Variants in PTP4A1 observed in about 807,000 individuals in gnomAD.
PTP4A1 encodes the protein protein tyrosine phosphatase type IVA 1.
In PTP4A1, 9 loss-of-function variants were observed where a neutral mutation model predicts 20.5. The ratio of observed to expected loss-of-function variants is 0.44; its 90% confidence interval spans 0.26 to 0.77. The LOEUF (loss-of-function observed/expected upper bound fraction) is 0.77. Ranked by LOEUF, PTP4A1 falls within the 30% of genes least tolerant of loss-of-function variation. The pLI, the probability that PTP4A1 is intolerant of heterozygous loss-of-function variation, is 0.19. For synonymous variants in PTP4A1, 78 were observed against 67.4 expected, an observed-to-expected ratio of 1.16 and a Z score of -0.77; for missense variants, 137 against 218.8, an observed-to-expected ratio of 0.63 and a Z score of 2.36.
At chr6:63,527,979 ACCCACT>A (rs1487667831) in exon 2 of PTP4A1, 1 of 152,160 alleles carries the variant, frequency 6.6e-6, no homozygotes, top group Admixed American at 6.5e-5. Flanking sequence ...TATGAAAGAA[ACCCACT>A]GGATTTTTAA....
chr6:63,574,713 A>G (rs1777737977), intron 1 of PTP4A1, among the ~76,000 whole-genome samples: 1 of 152,224 alleles, frequency 6.6e-6, no homozygotes, highest in Non-Finnish European at 1.5e-5. Flanking sequence ...AGAAATTAGA[A>G]TACTGTGATG....
Position 63,583,091 on chromosome 6 carries a change from T to C in PTP4A1, c.*2917T>C, listed in dbSNP as rs1778344451. ...GGTGTCACCAGATTTTGGTCACCAA[T>C]GAGTACCCGACCCGTTGCCATGATT... is the stretch of plus-strand genomic sequence containing the variant. On this transcript the variant is annotated 3_prime_UTR_variant, in exon 6 of 6. Transcript: ENST00000626021. The C allele has an allele frequency of 6.6e-6, 1 of 152,180 alleles. No individual in the cohort carries two copies. The highest frequency in any genetic ancestry group is 2.1e-4 in the South Asian group (1 of 4,836). 9.4% of individuals were successfully genotyped at this position (152,180 alleles called of 1,614,324 possible). A position where few individuals can be genotyped will look rare whatever the true frequency, so the allele number is the denominator to read the frequency against.
chr6:63,524,099 C>A (rs775261405), intron 1 of PTP4A1, among the ~76,000 whole-genome samples: 5 of 152,148 alleles, frequency 3.3e-5, no homozygotes, highest in African/African-American at 1.2e-4. Flanking sequence ...CTCCCCATGT[C>A]TCAGCTTTCT....
chr6:63,567,701 G>A (rs545123934), upstream of PTP4A1, among the ~76,000 whole-genome samples: 13 of 152,278 alleles, frequency 8.5e-5, no homozygotes, highest in South Asian at 6.2e-4. Flanking sequence ...CCTGTCCTTC[G>A]AAGCTTTGAA....
In PTP4A1 at chr6:63,546,703, T is replaced by C. The variant is rs537026803; in HGVS notation, c.-639-3597T>C. On this transcript the variant is annotated intron_variant, in intron 2 of 3. Transcript: ENST00000639568. ...CCTGGCCAATGAGAGCAAAACTCCA[T>C]CTCAAAAAAAAAAAATAGAGTACAA... Among the ~76,000 whole-genome samples the C allele has an allele frequency of 6.0e-5, 9 of 149,588 alleles. No individual in the cohort carries two copies. The South Asian group carries it at 1.9e-3, about 31-fold the overall frequency.
At chr6:63,529,424 G>A (rs1775357278) in intron 2 of PTP4A1, among the ~76,000 whole-genome samples, 1 of 151,628 alleles carries the variant, frequency 6.6e-6, no homozygotes, top group East Asian at 1.9e-4. Context: ...CAAACTTTTA[G>A]GCAAAATAAT....
intron 1 of PTP4A1, among the ~76,000 whole-genome samples, chr6:63,527,238 T>A (rs1402898270): frequency 1.3e-5 from 2 of 152,220 alleles, no homozygotes; most frequent in Non-Finnish European, 2.9e-5. Context: ...GTGCACATTT[T>A]AAACAGAGCA....
chr6:63,563,358 A>G (rs1403123661), intron 3 of PTP4A1, among the ~76,000 whole-genome samples: 1 of 151,802 alleles, frequency 6.6e-6, no homozygotes, highest in African/African-American at 2.4e-5. Flanking sequence ...AGGTCTTCCA[A>G]CTCCTTGAGT....
chr6:63,580,035 T>A, intron 5 of PTP4A1, 22 bp from the exon 6 acceptor site: 1 of 664,396 alleles, frequency 1.5e-6, no homozygotes, highest in East Asian at 6.3e-5. Context: ...CTTGTTTCAT[T>A]TTTTTTTTTT....
At chr6:63,562,001 GAAA>G (rs919645529) in intron 3 of PTP4A1, among the ~76,000 whole-genome samples, 2 of 150,914 alleles carry the variant, frequency 1.3e-5, no homozygotes, top group Non-Finnish European at 3.0e-5. Context: ...ATCATTTTTG[GAAA>G]AAAAATACAA....
At chr6:63,538,842 ATGATACTAGG>A in intron 2 of PTP4A1, among the ~76,000 whole-genome samples, 1 of 152,150 alleles carries the variant, frequency 6.6e-6, no homozygotes, top group Non-Finnish European at 1.5e-5. Context: ...GGTGATGCTG[ATGATACTAGG>A]TGTGGGAACC....
chr6:63,548,640 T>G (rs1776305063), intron 2 of PTP4A1: 2 of 409,878 alleles, frequency 4.9e-6, no homozygotes, highest in Non-Finnish European at 9.0e-6. Flanking sequence ...CAACCCTGAT[T>G]TAATTTTTCA....
At chr6:63,530,216 C>A (rs1450759919) in intron 2 of PTP4A1, among the ~76,000 whole-genome samples, 1 of 152,056 alleles carries the variant, frequency 6.6e-6, no homozygotes, top group African/African-American at 2.4e-5. Context: ...ATTTACTTAA[C>A]ACTTTTTTTT....
At chr6:63,547,187 ATTT>A (rs543564867) in intron 2 of PTP4A1, among the ~76,000 whole-genome samples, 9 of 133,970 alleles carry the variant, frequency 6.7e-5, no homozygotes, top group Non-Finnish European at 4.8e-5. Flanking sequence ...GTAGGGGGGA[ATTT>A]TTTTTTTTTT....
intron 2 of PTP4A1, among the ~76,000 whole-genome samples, chr6:63,535,934 A>G (rs189773357): frequency 4.9e-4 from 75 of 152,236 alleles, no homozygotes; most frequent in Admixed American, 1.9e-3. Flanking sequence ...CACCATGCAC[A>G]GCTAATTTCT....
rs1436895826 is a variant in PTP4A1, at chr6:63,581,680, C to G, written c.*1506C>G. ...TTTAAAGGTCTAGATAATTTTGAAC[C>G]AATTTATTATTGTGTACTGAGGAGA... On this transcript the variant is annotated 3_prime_UTR_variant, in exon 6 of 6. Transcript: ENST00000626021. 2 of 151,996 alleles carry G rather than the reference C, an allele frequency of 1.3e-5. No individual in the cohort carries two copies. The highest frequency in any genetic ancestry group is 2.4e-5 in the African/African-American group (1 of 41,400). The allele number at this position is 151,996 out of a possible 1,614,324, so 9.4% of individuals were successfully genotyped here.
intron 3 of PTP4A1, among the ~76,000 whole-genome samples, chr6:63,562,235 T>G (rs1776995804): frequency 6.6e-6 from 1 of 151,612 alleles, no homozygotes; most frequent in Non-Finnish European, 1.5e-5. Context: ...GTTTTGCTCT[T>G]GTTTCCCAGG....
intron 2 of PTP4A1, among the ~76,000 whole-genome samples, chr6:63,539,618 T>C (rs1775867688): frequency 6.6e-6 from 1 of 151,816 alleles, no homozygotes; most frequent in South Asian, 2.1e-4. Flanking sequence ...TCTACTAAAA[T>C]ACAAAAAATA....
chr6:63,552,382 T>A (rs1272174621), intron 3 of PTP4A1, among the ~76,000 whole-genome samples: 32 of 152,304 alleles, frequency 2.1e-4, no homozygotes, highest in African/African-American at 7.5e-4. Flanking sequence ...GATGGGGTTG[T>A]TTGTTTTTTT....
Sources: allele counts gnomAD v4.1 joint callset (sites outside exome capture counted in the v4.1 genomes callset), GRCh38; gene constraint gnomAD v4.1.1; transcripts MANE v1.5; gene names NCBI Gene and HGNC (gene_info 2026-07-23, HGNC 2026-07-21).